Variants in ERN2 observed in about 807,000 individuals in gnomAD.
ERN2 encodes endoplasmic reticulum to nucleus signaling 2, also known as serine/threonine-protein kinase/endoribonuclease IRE2.
Under a neutral mutation model 107.9 loss-of-function variants are expected in ERN2, and 111 were observed. The observed-to-expected ratio is 1.03, with a 90% CI of 0.88 to 1.20. The LOEUF is 1.20. Among genes scored for constraint, ERN2 ranks in the 50% most tolerant of loss-of-function variants. The pLI is 0.00. For missense variants in ERN2, 1,225 were observed against 1,197.9 expected (o/e 1.02, Z -0.33); for synonymous variants, 524 against 501.7 (o/e 1.04, Z -0.59).
At chr16:23,709,948 G>A (rs1960474554) in intron 4 of ERN2, 3 of 520,966 alleles carry the variant, frequency 5.8e-6, no homozygotes, top group Non-Finnish European at 1.0e-5. Context: ...AAGGCCCTGG[G>A]ATACCTCCAG....
At chr16:23,706,616 T>G in intron 6 of ERN2, 138 bp downstream of exon 6, 1 of 753,670 alleles carries the variant, frequency 1.3e-6, no homozygotes, top group Non-Finnish European at 2.3e-6. Context: ...TGGCTCCTAG[T>G]TCAGTGCTCT....
At chr16:23,709,534 C>T (rs985918244) in intron 4 of ERN2, 2 of 214,300 alleles carry the variant, frequency 9.3e-6, no homozygotes, top group East Asian at 3.0e-4. Context: ...GGCTGATGAG[C>T]CATTAGCAAA....
intron 1 of ERN2, chr16:23,712,662 AG>A (rs2141027352): frequency 6.1e-6 from 1 of 163,860 alleles, no homozygotes; most frequent in African/African-American, 2.4e-5. Context: ...GCCATGGGTA[AG>A]GGGACCGTAT....
At position 23,691,272 on chromosome 16, in the gene ERN2, C is replaced by T. The variant is rs566443229; in HGVS notation, c.2500+30G>A. 2.9e-5 allele frequency: 47 copies of T among 1,612,764 alleles called. No individual in the cohort carries two copies. The South Asian group carries it at 3.0e-4, about 10-fold the overall frequency. The stretch of plus-strand genomic sequence containing the variant: ...ACCGCCCAGGCCCACTCCCCTCCAC[C>T]GCCCAGGCCCACCTGAGTATGGCCT... On this transcript the variant is annotated intron_variant, in intron 20 of 21. Coordinates refer to ENST00000256797, the MANE Select transcript of ERN2 (RefSeq NM_033266.4).
In ERN2 at chr16:23,691,140, CAGCACGG is replaced by C. The variant is rs997945119; in HGVS notation, c.2550_2556del (p.Arg851Ter). On this transcript the variant is annotated frameshift_variant, in exon 21 of 22. Coordinates refer to ENST00000256797, the MANE Select transcript of ERN2 (RefSeq NM_033266.4). LOFTEE classifies it low-confidence loss of function (END_TRUNC). ...GCCCCAACACATACCTTGTTCCTCACAGCACGGAGCAGGTCTCGCACTGATGTCCCCT... is the reference window on the plus strand; with the variant it reads ...GCCCCAACACATACCTTGTTCCTCACAGCAGGTCTCGCACTGATGTCCCCT... 3.1e-6 allele frequency: 5 copies of C among 1,613,856 alleles called. No homozygotes were observed. Among genetic ancestry groups the C allele is most frequent in the Non-Finnish European group, 4.2e-6 (5 of 1,179,976 alleles).
chr16:23,711,926 C>T (rs1048338158), intron 1 of ERN2: 10 of 292,722 alleles, frequency 3.4e-5, no homozygotes, highest in African/African-American at 2.0e-4. Context: ...TGACCCAAGG[C>T]TGGGGGGTGC....
At chr16:23,692,466 T>C (rs577320028) in intron 17 of ERN2, 135 bp from the exon 18 acceptor site, 46 of 835,160 alleles carry the variant, frequency 5.5e-5, no homozygotes, top group Middle Eastern at 3.6e-4. Flanking sequence ...CTGGGCAGCA[T>C]CTCCTTGGCT....
intron 13 of ERN2, among the ~76,000 whole-genome samples, chr16:23,698,719 C>G (rs1432247189): frequency 6.6e-6 from 1 of 152,078 alleles, no homozygotes; most frequent in African/African-American, 2.4e-5. Context: ...CCCCCAGTAG[C>G]TGGAACTACA....
Position 23,710,510 on chromosome 16 carries a change from A to G in ERN2, c.233+6T>C. 1 of 1,614,126 alleles carries G rather than the reference A, an allele frequency of 6.2e-7. No individual in the cohort carries two copies. The highest frequency in any genetic ancestry group is 8.5e-7 in the Non-Finnish European group (1 of 1,179,992). Reference sequence around the variant, plus strand: ...CTCCTCCTTAAAAGGCCCCAGGTTCACTTACTCTGTGACGTACATTGGTCC... The same window carrying G: ...CTCCTCCTTAAAAGGCCCCAGGTTCGCTTACTCTGTGACGTACATTGGTCC... On this transcript the variant is annotated splice_donor_region_variant and intron_variant, in intron 3 of 21. Coordinates refer to ENST00000256797, the MANE Select transcript of ERN2 (RefSeq NM_033266.4).
Position 23,704,976 on chromosome 16 carries a change from T to C in ERN2, c.761A>G (p.His254Arg). Reference sequence around the variant, plus strand: ...GTGGCCCCAGCGGAGGGCGAGGAAATGCAGAGTGTCTCGAGCCAGCGTGAG... The same window carrying C: ...GTGGCCCCAGCGGAGGGCGAGGAAACGCAGAGTGTCTCGAGCCAGCGTGAG... Reference protein sequence around the residue: ...PHLTLARDTLHFLALRWGHIR... With the variant: ...PHLTLARDTLRFLALRWGHIR... Residue 254 changes from histidine to arginine, a missense_variant, in exon 8 of 22, where the codon CAT becomes CGT. Coordinates refer to ENST00000256797, the MANE Select transcript of ERN2 (RefSeq NM_033266.4). 1 of 1,613,798 alleles carries C rather than the reference T, an allele frequency of 6.2e-7. No individual in the cohort carries two copies.
intron 4 of ERN2, chr16:23,709,053 G>A: frequency 2.5e-6 from 1 of 394,056 alleles, no homozygotes; most frequent in Non-Finnish European, 5.1e-6. Flanking sequence ...TTGCCTGATT[G>A]ACACACTAAA....
At chr16:23,704,020 C>G (rs1458118468) in intron 8 of ERN2, among the ~76,000 whole-genome samples, 1 of 152,176 alleles carries the variant, frequency 6.6e-6, no homozygotes, top group African/African-American at 2.4e-5. Flanking sequence ...CTATTGTACT[C>G]CCAGACTCTA....
Position 23,692,004 on chromosome 16 carries a change from G to T in ERN2, c.2335C>A (p.Pro779Thr), listed in dbSNP as rs747977071. The T allele has an allele frequency of 8.1e-6, 13 of 1,613,668 alleles. No homozygotes were observed. The highest frequency in any genetic ancestry group is 1.0e-5 in the Non-Finnish European group (12 of 1,179,936). Residue 779 changes from proline (P) to threonine (T), a missense_variant, in exon 19 of 22, where the codon CCC becomes ACC. By Grantham distance (38) the Pro-to-Thr change is conservative. Transcript: ENST00000256797. ...RPSAPQVLAHPFFWSRAKQLQ... is the reference protein window; with the variant it reads ...RPSAPQVLAHTFFWSRAKQLQ... ...TGCTTGGCTCTGCTCCAAAAGAAGG[G>T]GTGGGCCAGCACCTGGGGGGCAGAG...
Position 23,691,343 on chromosome 16 carries a change from C to T in ERN2, c.2459G>A (p.Arg820Gln), listed in dbSNP as rs372092990. 1.2e-5 allele frequency: 20 copies of T among 1,606,416 alleles called. No individual in the cohort carries two copies. The African/African-American group carries it at 1.3e-4, about 11-fold the overall frequency. ...GGAGATGTGCTCGTGCCAGTTGTCC[C>T]GGACCACTGCGCAGCCTCCCGCCTC... ...ALEAGGCAVV[R>Q]DNWHEHISMP... The change falls in exon 20 of 22, where the codon CGG becomes CAG. Residue 820 changes from arginine (R) to glutamine (Q), a missense_variant. Arg to Gln is a conservative substitution (Grantham distance 43). Coordinates refer to ENST00000256797, the MANE Select transcript of ERN2 (RefSeq NM_033266.4).
intron 8 of ERN2, among the ~76,000 whole-genome samples, chr16:23,703,151 C>T (rs1222449522): frequency 1.3e-5 from 2 of 152,118 alleles, no homozygotes; most frequent in Admixed American, 1.3e-4. Flanking sequence ...TGTTTTGGGG[C>T]AATTTGTTAT....
intron 3 of ERN2, 41 bp from the exon 4 acceptor site, chr16:23,710,285 C>G: frequency 6.5e-7 from 1 of 1,531,630 alleles, no homozygotes; most frequent in Non-Finnish European, 9.0e-7. Context: ...TGGGTTCTTG[C>G]CCCCTGGTTT....
At position 23,709,248 on chromosome 16, in the gene ERN2, T is replaced by A. The variant is rs573617465; in HGVS notation, c.306+924A>T. ...GAGTTCGAGGCTGCAGTGAGCCTTG[T>A]GATCGTACCACTGCACTCCAGCCTG... On this transcript the variant is annotated intron_variant, in intron 4 of 21. Transcript: ENST00000256797. The A allele has an allele frequency of 1.3e-4, 59 of 451,132 alleles. 1 individual carries two copies. In the Admixed American group the frequency reaches 1.4e-3, roughly 10 times the overall value. The allele number at this position is 451,132 out of a possible 1,614,324, so 27.9% of individuals were successfully genotyped here.
intron 8 of ERN2, among the ~76,000 whole-genome samples, chr16:23,703,924 A>G (rs1298131394): frequency 6.6e-6 from 1 of 152,030 alleles, no homozygotes; most frequent in African/African-American, 2.4e-5. Flanking sequence ...ATCCTTTATC[A>G]TATCAGGTTG....
chr16:23,692,067 C>G lies in ERN2; in HGVS notation c.2272G>C (p.Val758Leu), dbSNP rs1398410929. 1 of 1,613,702 alleles carries G rather than the reference C, an allele frequency of 6.2e-7. No individual in the cohort carries two copies. Among genetic ancestry groups the G allele is most frequent in the Non-Finnish European group, 8.5e-7 (1 of 1,180,028 alleles). ...VHDKVVARDLVGAMLSPLPQP... is the reference protein window; with the variant it reads ...VHDKVVARDLLGAMLSPLPQP... ...GGCAGTGGGCTCAACATGGCTCCAA[C>G]CAGGTCCCGGGCAACCACCTTGTCT... The change falls in exon 19 of 22, where the codon GTT (valine) becomes CTT (leucine). Residue 758 changes from valine to leucine, a missense_variant. By Grantham distance (32) the Val-to-Leu change is conservative. Coordinates refer to ENST00000256797, the MANE Select transcript of ERN2 (RefSeq NM_033266.4).
Sources: gnomAD v4.1 joint callset for allele counts (sites outside exome capture counted in the v4.1 genomes callset) on GRCh38, gnomAD v4.1.1 for gene constraint, MANE v1.5 for transcripts, NCBI Gene and HGNC (gene_info 2026-07-23, HGNC 2026-07-21) for gene names.